The following DGKB variants were observed in gnomAD, a reference collection of about 807,000 sequenced individuals.
The protein encoded by DGKB is 90 kDa diacylglycerol kinase.
A neutral mutation model predicts 114.3 loss-of-function variants in DGKB; 67 were observed. The ratio of observed to expected loss-of-function variants is 0.59; its 90% CI spans 0.48 to 0.72. The LOEUF (loss-of-function observed/expected upper bound fraction) is 0.72. Among genes scored for constraint, DGKB ranks in the 30% least tolerant of loss-of-function variants. The pLI is 0.00. For missense variants in DGKB, 907 were observed against 975.2 expected (o/e 0.93, Z 0.93); for synonymous variants, 398 against 323.1 (o/e 1.23, Z -2.49).
intron 2 of DGKB, among the ~76,000 whole-genome samples, chr7:14,802,892 A>G (rs1030604286): frequency 2.0e-5 from 3 of 152,132 alleles, no homozygotes; most frequent in African/African-American, 7.2e-5. Flanking sequence ...TTATTTTTCT[A>G]ATATTTACAT....
At chr7:14,731,849 C>A (rs1485870305) in intron 5 of DGKB, among the ~76,000 whole-genome samples, 2 of 152,052 alleles carry the variant, frequency 1.3e-5, no homozygotes, top group Non-Finnish European at 2.9e-5. Flanking sequence ...TTTGCAATGA[C>A]ACAGAAGTGG....
At chr7:14,968,282 T>C (rs1429306387) in intron 1 of DGKB, among the ~76,000 whole-genome samples, 1 of 152,184 alleles carries the variant, frequency 6.6e-6, no homozygotes, top group Non-Finnish European at 1.5e-5. Flanking sequence ...ACTTGAGGCT[T>C]TAGAACATTT....
chr7:14,399,733 G>C (rs1193649901), intron 21 of DGKB, among the ~76,000 whole-genome samples: 3 of 151,788 alleles, frequency 2.0e-5, no homozygotes, highest in Non-Finnish European at 4.4e-5. Flanking sequence ...TTCTAGAATG[G>C]CAATGAAAAT....
At chr7:14,323,421 T>C (rs1290480965) in intron 23 of DGKB, among the ~76,000 whole-genome samples, 1 of 152,154 alleles carries the variant, frequency 6.6e-6, no homozygotes, top group Non-Finnish European at 1.5e-5. Flanking sequence ...TATGTTGTAG[T>C]TTATGACAGC....
At chr7:14,313,484 C>T (rs905999183) in intron 23 of DGKB, among the ~76,000 whole-genome samples, 1 of 151,830 alleles carries the variant, frequency 6.6e-6, no homozygotes, top group African/African-American at 2.4e-5. Context: ...TCAGGGAGTT[C>T]CCTTTCCTAA....
chr7:14,517,680 A>T (rs184879302), intron 20 of DGKB, among the ~76,000 whole-genome samples: 71 of 152,288 alleles, frequency 4.7e-4, no homozygotes, highest in Non-Finnish European at 8.1e-4. Context: ...AAAAGAAGAC[A>T]TACACACAGC....
intron 1 of DGKB, among the ~76,000 whole-genome samples, chr7:14,871,778 T>C (rs1186226230): frequency 2.0e-5 from 3 of 152,220 alleles, no homozygotes; most frequent in Non-Finnish European, 4.4e-5. Context: ...GTTAACATAT[T>C]TATTAGGCAG....
intron 1 of DGKB, among the ~76,000 whole-genome samples, chr7:14,962,131 A>G (rs1786882938): frequency 6.6e-6 from 1 of 152,142 alleles, no homozygotes; most frequent in Admixed American, 6.6e-5. Context: ...ATAATTCTCA[A>G]TCATCAGTTT....
At chr7:14,557,252 A>T (rs1193764289) in intron 20 of DGKB, among the ~76,000 whole-genome samples, 1 of 152,220 alleles carries the variant, frequency 6.6e-6, no homozygotes, top group Non-Finnish European at 1.5e-5. Flanking sequence ...TGGATGCAAA[A>T]TGTTCCATTT....
intron 20 of DGKB, among the ~76,000 whole-genome samples, chr7:14,554,089 A>G (rs1026376091): frequency 9.2e-5 from 14 of 151,516 alleles, no homozygotes; most frequent in South Asian, 4.2e-4. Flanking sequence ...AGCCAGGATG[A>G]TCTCGATCTC....
At chr7:14,879,445 A>G (rs1028736902) in intron 1 of DGKB, among the ~76,000 whole-genome samples, 1 of 152,146 alleles carries the variant, frequency 6.6e-6, no homozygotes, top group African/African-American at 2.4e-5. Flanking sequence ...CTTTCAGGTT[A>G]TTTGGCTATT....
chr7:14,798,550 G>A (rs1394619052), intron 2 of DGKB, among the ~76,000 whole-genome samples: 4 of 152,122 alleles, frequency 2.6e-5, no homozygotes, highest in African/African-American at 9.7e-5. Context: ...ATTTTTCAGT[G>A]AATCATTAGA....
intron 2 of DGKB, among the ~76,000 whole-genome samples, chr7:14,800,560 C>T (rs1842021126): frequency 6.6e-6 from 1 of 152,200 alleles, no homozygotes; most frequent in Non-Finnish European, 1.5e-5. Context: ...GGCTGGCTGT[C>T]CTTGCTCCTC....
intron 20 of DGKB, among the ~76,000 whole-genome samples, chr7:14,560,910 G>A (rs11982039): frequency 0.026 from 3,909 of 152,156 alleles, 156 homozygotes; most frequent in African/African-American, 0.089. Flanking sequence ...ATGATATCTC[G>A]TTGTGCTTTT....
intron 1 of DGKB, among the ~76,000 whole-genome samples, chr7:14,931,166 C>G (rs1784998686): frequency 6.8e-6 from 1 of 147,144 alleles, no homozygotes; most frequent in Non-Finnish European, 1.5e-5. Flanking sequence ...GGCTAGAGTG[C>G]AGTGGTGCTA....
At chr7:14,265,026 T>A (rs1022227545) in intron 23 of DGKB, among the ~76,000 whole-genome samples, 1 of 152,150 alleles carries the variant, frequency 6.6e-6, no homozygotes, top group African/African-American at 2.4e-5. Flanking sequence ...CTGTAAGGAC[T>A]TTAAGTAGAC....
chr7:14,478,054 A>T (rs1048858743), intron 21 of DGKB, 107 bp downstream of exon 21: 1 of 649,690 alleles, frequency 1.5e-6, no homozygotes. Context: ...ACGCACACAA[A>T]GCCTCATAAA....
At chr7:14,508,032 T>C (rs1787372722) in intron 20 of DGKB, among the ~76,000 whole-genome samples, 1 of 152,216 alleles carries the variant, frequency 6.6e-6, no homozygotes, top group African/African-American at 2.4e-5. Context: ...AAGGTTGGTG[T>C]TTAGTCTTTC....
At chr7:14,852,711 G>C (rs1013447091) in intron 1 of DGKB, among the ~76,000 whole-genome samples, 1 of 152,002 alleles carries the variant, frequency 6.6e-6, no homozygotes, top group East Asian at 1.9e-4. Flanking sequence ...ATAGAATACC[G>C]ATTAAAGAAG....
Sources: gnomAD v4.1 joint callset for allele counts (sites outside exome capture counted in the v4.1 genomes callset) on GRCh38, gnomAD v4.1.1 for gene constraint, MANE v1.5 for transcripts, NCBI Gene and HGNC (gene_info 2026-07-23, HGNC 2026-07-21) for gene names.